Variants in MAGI2 observed in about 807,000 individuals in gnomAD.
MAGI2 encodes the protein membrane-associated guanylate kinase, WW and PDZ domain-containing protein 2.
In MAGI2, 35 loss-of-function variants were observed where a neutral mutation model predicts 133.3. The ratio of observed to expected loss-of-function variants is 0.26; its 90% confidence interval spans 0.20 to 0.35. The LOEUF (loss-of-function observed/expected upper bound fraction) is 0.35. MAGI2 is among the 10% of genes least tolerant of loss of function. MAGI2 has a pLI of 1.00. For synonymous variants in MAGI2, 729 were observed against 710.6 expected (o/e 1.03, Z -0.41); for missense variants, 1,636 against 1,863.4 (o/e 0.88, Z 2.25).
intron 14 of MAGI2, among the ~76,000 whole-genome samples, chr7:78,173,776 A>G (rs1826331106): frequency 6.6e-6 from 1 of 152,070 alleles, no homozygotes; most frequent in Non-Finnish European, 1.5e-5. Context: ...AATCTCAAAG[A>G]CAGTAGCTTT....
chr7:79,227,934 T>A (rs1830993321), intron 1 of MAGI2, among the ~76,000 whole-genome samples: 1 of 152,192 alleles, frequency 6.6e-6, no homozygotes, highest in South Asian at 2.1e-4. Flanking sequence ...TGAAATGATA[T>A]CATATTTAAA....
chr7:78,899,584 G>A (rs544037729), intron 2 of MAGI2, among the ~76,000 whole-genome samples: 24 of 152,276 alleles, frequency 1.6e-4, no homozygotes, highest in African/African-American at 5.8e-4. Flanking sequence ...GCTGTTGGGG[G>A]TTTAAATGAT....
intron 2 of MAGI2, among the ~76,000 whole-genome samples, chr7:78,776,749 G>GA (rs1826016004): frequency 6.6e-6 from 1 of 152,256 alleles, no homozygotes; most frequent in Admixed American, 6.5e-5. Flanking sequence ...CTGACAGTGG[G>GA]AAAAATTCCG....
At chr7:78,409,700 G>A (rs1797697256) in intron 6 of MAGI2, among the ~76,000 whole-genome samples, 1 of 152,026 alleles carries the variant, frequency 6.6e-6, no homozygotes, top group Admixed American at 6.6e-5. Flanking sequence ...ATGAATGACA[G>A]AAAGCTATCA....
chr7:79,095,675 T>C (rs1327492446), intron 1 of MAGI2, among the ~76,000 whole-genome samples: 1 of 152,160 alleles, frequency 6.6e-6, no homozygotes, highest in Non-Finnish European at 1.5e-5. Flanking sequence ...ACACACAACA[T>C]TTATTGATTA....
chr7:78,398,275 G>A (rs1358709938), intron 6 of MAGI2, among the ~76,000 whole-genome samples: 3 of 152,092 alleles, frequency 2.0e-5, no homozygotes, highest in African/African-American at 7.3e-5. Flanking sequence ...GTGACTCGAT[G>A]GTGAACTCAT....
intron 2 of MAGI2, among the ~76,000 whole-genome samples, chr7:78,971,646 A>G (rs1803793865): frequency 6.6e-6 from 1 of 151,972 alleles, no homozygotes; most frequent in Non-Finnish European, 1.5e-5. Flanking sequence ...TGGCCACCCT[A>G]CTTTCAGGTC....
At chr7:78,580,010 T>A (rs1192816670) in intron 3 of MAGI2, among the ~76,000 whole-genome samples, 1 of 152,222 alleles carries the variant, frequency 6.6e-6, no homozygotes, top group African/African-American at 2.4e-5. Flanking sequence ...CTGATGGAAC[T>A]GCCAGAGATA....
intron 16 of MAGI2, among the ~76,000 whole-genome samples, chr7:78,136,695 T>TA (rs1822176273): frequency 6.6e-6 from 1 of 152,230 alleles, no homozygotes. Flanking sequence ...TGGAATCAGG[T>TA]ACTGCTTTGA....
At position 79,275,817 on chromosome 7, in the gene MAGI2, G is replaced by A. The variant is rs149586424; in HGVS notation, c.301+177203C>T. On this transcript the variant is annotated intron_variant, in intron 1 of 21. Coordinates refer to ENST00000354212, the MANE Select transcript of MAGI2 (RefSeq NM_012301.4). ...TTAAGAATGATGCTAAATCGACTCT[G>A]CCTGTGTTCTATTAGTGGAAAACAA... 1.8e-3 allele frequency among the ~76,000 whole-genome samples: 275 copies of A among 152,228 alleles called. 1 individual carries two copies. Among genetic ancestry groups the A allele is most frequent in the African/African-American group, 5.9e-3 (247 of 41,550 alleles).
intron 6 of MAGI2, among the ~76,000 whole-genome samples, chr7:78,395,843 T>C (rs1562938562): frequency 6.6e-6 from 1 of 152,118 alleles, no homozygotes; most frequent in Admixed American, 6.6e-5. Flanking sequence ...TTGGGTAAAG[T>C]GGATAAAGGA....
chr7:78,406,157 T>G (rs938503466), intron 6 of MAGI2, among the ~76,000 whole-genome samples: 3 of 152,028 alleles, frequency 2.0e-5, no homozygotes, highest in African/African-American at 7.2e-5. Context: ...GATATATTAA[T>G]GAACAAGAAA....
chr7:79,411,330 C>T (rs2129171470), intron 1 of MAGI2: 1 of 152,256 alleles, frequency 6.6e-6, no homozygotes, highest in South Asian at 2.1e-4. Flanking sequence ...ATTACCCTAG[C>T]TACACAGGTG....
chr7:78,571,861 A>G (rs975806914), intron 3 of MAGI2, among the ~76,000 whole-genome samples: 3 of 152,190 alleles, frequency 2.0e-5, no homozygotes, highest in Admixed American at 2.0e-4. Flanking sequence ...AAATTTTTCT[A>G]AGAATAGAAT....
At chr7:78,954,448 T>C (rs1001739490) in intron 2 of MAGI2, among the ~76,000 whole-genome samples, 1 of 152,040 alleles carries the variant, frequency 6.6e-6, no homozygotes, top group Non-Finnish European at 1.5e-5. Flanking sequence ...CAGGGTATAG[T>C]GAAATGAAAC....
intron 16 of MAGI2, among the ~76,000 whole-genome samples, chr7:78,141,904 C>T (rs1484120844): frequency 1.3e-5 from 2 of 152,152 alleles, no homozygotes; most frequent in African/African-American, 4.8e-5. Context: ...GAGAGAAACA[C>T]TCAGCAGCCA....
At chr7:79,236,425 T>G (rs1447500996) in intron 1 of MAGI2, among the ~76,000 whole-genome samples, 1 of 152,188 alleles carries the variant, frequency 6.6e-6, no homozygotes, top group Non-Finnish European at 1.5e-5. Flanking sequence ...CTGAAAACAA[T>G]CATTGCTCAA....
At chr7:78,901,307 T>C (rs1797603675) in intron 2 of MAGI2, 1 of 152,190 alleles carries the variant, frequency 6.6e-6, no homozygotes. Flanking sequence ...ATAAGCTTAT[T>C]GTTTATAAAG....
chr7:79,350,496 T>A (rs1270948801), intron 1 of MAGI2, among the ~76,000 whole-genome samples: 3 of 152,122 alleles, frequency 2.0e-5, no homozygotes, highest in Admixed American at 2.0e-4. Flanking sequence ...AATAAGGACC[T>A]TGCCTAATTT....
Sources: allele counts gnomAD v4.1 joint callset (sites outside exome capture counted in the v4.1 genomes callset), GRCh38; gene constraint gnomAD v4.1.1; transcripts MANE v1.5; gene names NCBI Gene and HGNC (gene_info 2026-07-23, HGNC 2026-07-21).